NR1I2: variants seen among roughly 807,000 people sequenced by gnomAD.
NR1I2 encodes orphan nuclear receptor PAR1.
NR1I2 carries 42 observed loss-of-function variants against 43.3 expected under a neutral mutation model. The observed-to-expected ratio is 0.97, with a 90% CI of 0.76 to 1.26. The LOEUF (loss-of-function observed/expected upper bound fraction) is 1.26. NR1I2 is among the 50% of genes most tolerant of loss of function. NR1I2 has a pLI of 0.00. For missense variants in NR1I2, 559 were observed against 566.7 expected, an observed-to-expected ratio of 0.99 and a Z score of 0.14; for synonymous variants, 229 against 215.0, an observed-to-expected ratio of 1.06 and a Z score of -0.57.
chr3:119,815,501 G>T, intron 7 of NR1I2, 62 bp downstream of exon 7: 1 of 1,392,056 alleles, frequency 7.2e-7, no homozygotes, highest in South Asian at 1.2e-5. Context: ...CCCCAGGGAA[G>T]GTCCCAGTCT....
At chr3:119,798,342 A>G (rs1296801766) in intron 1 of NR1I2, among the ~76,000 whole-genome samples, 1 of 152,192 alleles carries the variant, frequency 6.6e-6, no homozygotes, top group Non-Finnish European at 1.5e-5. Context: ...CAGATATTGT[A>G]CTATTAATTT....
At chr3:119,794,220 T>TA (rs2054962574) in intron 1 of NR1I2, among the ~76,000 whole-genome samples, 1 of 151,782 alleles carries the variant, frequency 6.6e-6, no homozygotes, top group Non-Finnish European at 1.5e-5. Flanking sequence ...TTTTTTGAGA[T>TA]AGAGTCTCAC....
chr3:119,796,534 C>A (rs1294768641), intron 1 of NR1I2, among the ~76,000 whole-genome samples: 1 of 152,230 alleles, frequency 6.6e-6, no homozygotes, highest in Non-Finnish European at 1.5e-5. Flanking sequence ...TCCCTCCCAA[C>A]CCTATTCCTC....
intron 5 of NR1I2, among the ~76,000 whole-genome samples, chr3:119,814,192 A>G (rs1305377013): frequency 1.3e-5 from 2 of 152,194 alleles, no homozygotes; most frequent in Non-Finnish European, 2.9e-5. Context: ...CAAAACCCAG[A>G]GTAAGCAGCC....
chr3:119,810,808 C>A (rs1405681523), intron 3 of NR1I2, among the ~76,000 whole-genome samples: 1 of 152,208 alleles, frequency 6.6e-6, no homozygotes, highest in African/African-American at 2.4e-5. Flanking sequence ...CTGCTTCTTT[C>A]AAGGACAAGT....
At chr3:119,805,135 G>A (rs1365724101) in intron 1 of NR1I2, among the ~76,000 whole-genome samples, 1 of 151,920 alleles carries the variant, frequency 6.6e-6, no homozygotes, top group East Asian at 1.9e-4. Context: ...CAATTTTATG[G>A]TCGTTTATTC....
At chr3:119,794,294 G>A (rs774085779) in intron 1 of NR1I2, among the ~76,000 whole-genome samples, 11 of 151,968 alleles carry the variant, frequency 7.2e-5, no homozygotes, top group Non-Finnish European at 1.6e-4. Context: ...CTGGGCTCAC[G>A]TAATCTTTTC....
At chr3:119,784,770 T>A (rs2054821071) in intron 1 of NR1I2, among the ~76,000 whole-genome samples, 1 of 152,220 alleles carries the variant, frequency 6.6e-6, no homozygotes, top group Non-Finnish European at 1.5e-5. Context: ...AAATATCACC[T>A]CTATCATGTA....
intron 1 of NR1I2, among the ~76,000 whole-genome samples, chr3:119,794,583 C>G (rs187482717): frequency 9.9e-5 from 15 of 152,068 alleles, no homozygotes; most frequent in Non-Finnish European, 1.9e-4. Flanking sequence ...CCTCAGCCTC[C>G]CAAAGTGCTG....
intron 1 of NR1I2, among the ~76,000 whole-genome samples, chr3:119,799,712 G>T (rs771170077): frequency 1.4e-4 from 21 of 152,178 alleles, no homozygotes; most frequent in Non-Finnish European, 2.8e-4. Context: ...GGGTGTGGTG[G>T]TTCATGCCTC....
intron 5 of NR1I2, 139 bp from the exon 6 acceptor site, chr3:119,814,840 G>A: frequency 9.4e-7 from 1 of 1,067,978 alleles, no homozygotes; most frequent in Non-Finnish European, 1.4e-6. Context: ...CCAGACAGCA[G>A]CCACAGTCAT....
chr3:119,809,662 G>T (rs1375177434), intron 2 of NR1I2, among the ~76,000 whole-genome samples: 1 of 152,094 alleles, frequency 6.6e-6, no homozygotes, highest in Admixed American at 6.5e-5. Flanking sequence ...CGAGGAAGAG[G>T]CCCATCTCCA....
In NR1I2 at chr3:119,809,242, G is replaced by C. The variant is rs558057369; in HGVS notation, c.198-819G>C. Among the ~76,000 whole-genome samples the C allele has an allele frequency of 1.2e-4, 18 of 152,232 alleles. No homozygotes were observed. The South Asian group carries it at 3.7e-3, about 32-fold the overall frequency. On this transcript the variant is annotated intron_variant, in intron 2 of 8. Coordinates refer to ENST00000393716, the MANE Select transcript of NR1I2 (RefSeq NM_003889.4). Reference sequence around the variant, plus strand: ...AAGTAAAGGTAGGACTGCACTGACCGTGTCTTTTGTGGGACAGGCAGGACT... The same window carrying C: ...AAGTAAAGGTAGGACTGCACTGACCCTGTCTTTTGTGGGACAGGCAGGACT...
At position 119,810,430 on chromosome 3, in the gene NR1I2, G is replaced by A. The variant is rs76694304; in HGVS notation, c.331+236G>A. On this transcript the variant is annotated intron_variant, in intron 3 of 8. Coordinates refer to ENST00000393716, the MANE Select transcript of NR1I2 (RefSeq NM_003889.4). ...TCTGCCCTGGGATGTGTGCTGGGCA[G>A]CCCTGGACAGGGCGTGCCCTCTGTC... 2,385 of 600,702 alleles carry A rather than the reference G, an allele frequency of 4.0e-3. 49 individuals are homozygous for A. The African/African-American group carries it at 0.04, about 10-fold the overall frequency. 37.2% of individuals were successfully genotyped at this position (600,702 alleles called of 1,614,324 possible).
At chr3:119,791,875 C>G in intron 1 of NR1I2, 1 of 595,114 alleles carries the variant, frequency 1.7e-6, no homozygotes, top group Admixed American at 1.9e-5. Flanking sequence ...TTAGCTGTTG[C>G]AGAAGGCATG....
chr3:119,809,953 C>G, intron 2 of NR1I2, 108 bp from the exon 3 acceptor site: 1 of 1,439,352 alleles, frequency 6.9e-7, no homozygotes, highest in Admixed American at 1.8e-5. Context: ...CTAGTGTCCC[C>G]CTCCCCGAGT....
rs774659689 is a variant in NR1I2 at position 119,815,326 on chromosome 3, G to A, written c.941G>A (p.Gly314Asp). The stretch of plus-strand genomic sequence containing the variant: ...TCCATCCTGTTACCATCCACAGGTG[G>A]CTTCCAGCAACTTCTACTGGAGCCC... The change falls in exon 7 of 9, where the codon GGC becomes GAC. Residue 314 changes from glycine to aspartate, a missense_variant. Gly to Asp is a moderately conservative substitution (Grantham distance 94). Coordinates refer to ENST00000393716, the MANE Select transcript of NR1I2 (RefSeq NM_003889.4). The A allele has an allele frequency of 1.2e-6, 2 of 1,613,756 alleles. No individual in the cohort carries two copies. The highest frequency in any genetic ancestry group is 1.7e-6 in the Non-Finnish European group (2 of 1,179,754).
chr3:119,787,524 G>C (rs1343343778), intron 1 of NR1I2, among the ~76,000 whole-genome samples: 1 of 152,002 alleles, frequency 6.6e-6, no homozygotes, highest in Non-Finnish European at 1.5e-5. Flanking sequence ...TTCACCAAAC[G>C]TCTCCCTTCA....
intron 2 of NR1I2, among the ~76,000 whole-genome samples, chr3:119,808,703 C>A (rs2055194324): frequency 6.6e-6 from 1 of 152,240 alleles, no homozygotes; most frequent in South Asian, 2.1e-4. Flanking sequence ...CAAATTTCAG[C>A]TTGTCATGTA....
Sources: allele counts gnomAD v4.1 joint callset (sites outside exome capture counted in the v4.1 genomes callset), GRCh38; gene constraint gnomAD v4.1.1; transcripts MANE v1.5; gene names NCBI Gene and HGNC (gene_info 2026-07-23, HGNC 2026-07-21).